AHNAK2: variants seen among roughly 807,000 people sequenced by gnomAD.
AHNAK2 encodes the protein AHNAK nucleoprotein 2, also known as protein AHNAK2.
In AHNAK2, 18 loss-of-function variants were observed where a neutral mutation model predicts 30.7. The observed-to-expected ratio is 0.59, with a 90% CI of 0.41 to 0.87. The LOEUF (loss-of-function observed/expected upper bound fraction) is 0.87, where lower values mean the gene tolerates loss of function less well. Among genes scored for constraint, AHNAK2 ranks in the 40% least tolerant of loss-of-function variants. The pLI is 0.00. For missense variants in AHNAK2, 8,604 were observed against 7,373.0 expected (o/e 1.17, Z -6.11); for synonymous variants, 3,590 against 3,073.8 (o/e 1.17, Z -5.56).
chr14:104,955,350 A>C (rs1898940027), intron 5 of AHNAK2, 133 bp downstream of exon 5: 1 of 1,371,634 alleles, frequency 7.3e-7, no homozygotes, highest in African/African-American at 1.5e-5. Context: ...TCCCAGCCTC[A>C]AGCTGTTGAG....
chr14:104,941,645 T>TC lies in AHNAK2; in HGVS notation c.13805dup (p.Ser4603IlefsTer9). ...CAAGCCGCGCACCATCCAGCATGGATCCTGGGGCCTGGACATCCGTCTCCA... is the reference window on the plus strand; with the variant it reads ...CAAGCCGCGCACCATCCAGCATGGATCCCTGGGGCCTGGACATCCGTCTCCA... On this transcript the variant is annotated frameshift_variant, in exon 7 of 7. Coordinates refer to ENST00000333244, the MANE Select transcript of AHNAK2 (RefSeq NM_138420.4). LOFTEE classifies it low-confidence loss of function (END_TRUNC). 1 of 1,613,486 alleles carries TC rather than the reference T, an allele frequency of 6.2e-7. No homozygotes were observed. Among genetic ancestry groups the TC allele is most frequent in the East Asian group, 2.2e-5 (1 of 44,858 alleles).
chr14:104,953,447 C>G lies in AHNAK2; in HGVS notation c.2004G>C (p.Val668=). Residue 668 remains valine, a synonymous_variant, in exon 7 of 7, where the codon GTG becomes GTC. Coordinates refer to ENST00000333244, the MANE Select transcript of AHNAK2 (RefSeq NM_138420.4). ...TTTTGAACTTGCTGTCTTTGGTGGC[C>G]ACTTCCTTTTCTGTCAGAATTTGTT... ...KKEQILTEKE[V]ATKDSKFKMP... 1 of 1,614,060 alleles carries G rather than the reference C, an allele frequency of 6.2e-7. No homozygotes were observed. Among genetic ancestry groups the G allele is most frequent in the Non-Finnish European group, 8.5e-7 (1 of 1,179,900 alleles).
intron 1 of AHNAK2, among the ~76,000 whole-genome samples, chr14:104,969,643 A>G (rs1220153587): frequency 6.6e-6 from 1 of 152,228 alleles, no homozygotes; most frequent in Non-Finnish European, 1.5e-5. Context: ...AAGCCTGGTA[A>G]GCCTGAGGGT....
rs751775165 is a variant in AHNAK2 at position 104,941,117 on chromosome 14, G to A, written c.14334C>T (p.His4778=). The A allele has an allele frequency of 8.7e-6, 14 of 1,613,534 alleles. No individual in the cohort carries two copies. Among genetic ancestry groups the A allele is most frequent in the Non-Finnish European group, 1.2e-5 (14 of 1,179,908 alleles). ...AGGGAGAGAGAATAGAAGATTCAAA[G>A]TGAGGACCAGTGAGATCAAGCCGGG... ...PSSRLDLTGP[H]FESSILSPCE... is the part of the protein sequence containing the mutation. Residue 4778 remains histidine, a synonymous_variant, in exon 7 of 7, where the codon CAC becomes CAT. Coordinates refer to ENST00000333244, the MANE Select transcript of AHNAK2 (RefSeq NM_138420.4).
rs752133104 is a variant in AHNAK2 at position 104,941,524 on chromosome 14, T to C, written c.13927A>G (p.Lys4643Glu). ...TCAGAGGAAGACATGGAAACTTTCT[T>C]TGACGACCATTCAAAACCAGACGTG... ...LSTSGFEWSS[K>E]KVSMSSSEIE... Residue 4643 changes from lysine to glutamate, a missense_variant, in exon 7 of 7, where the codon AAG becomes GAG. Lys to Glu is a moderately conservative substitution (Grantham distance 56, BLOSUM62 1). Transcript: ENST00000333244. 11 of 1,612,904 alleles carry C rather than the reference T, an allele frequency of 6.8e-6. No homozygotes were observed. Among genetic ancestry groups the C allele is most frequent in the Non-Finnish European group, 7.6e-6 (9 of 1,179,866 alleles).
In AHNAK2 at chr14:104,949,903, C is replaced by A. The variant is rs762191749; in HGVS notation, c.5548G>T (p.Ala1850Ser). 1 of 1,588,480 alleles carries A rather than the reference C, an allele frequency of 6.3e-7. No homozygotes were observed. The highest frequency in any genetic ancestry group is 1.1e-5 in the South Asian group (1 of 90,080). ...CTCACTTCGGCCTCCACCTTCGGCGCAGACACATCCACCGAGGCCTCGATG... is the reference window on the plus strand; with the variant it reads ...CTCACTTCGGCCTCCACCTTCGGCGAAGACACATCCACCGAGGCCTCGATG... Reference protein sequence around the residue: ...KSIEASVDVSAPKVEAEVSLP... With the variant: ...KSIEASVDVSSPKVEAEVSLP... Residue 1850 changes from alanine to serine, a missense_variant, in exon 7 of 7, where the codon GCG (alanine) becomes TCG (serine). By Grantham distance (99) the Ala-to-Ser change is moderately conservative (BLOSUM62 1). Coordinates refer to ENST00000333244, the MANE Select transcript of AHNAK2 (RefSeq NM_138420.4).
chr14:104,956,771 G>A, intron 3 of AHNAK2, 82 bp from the exon 4 acceptor site: 1 of 1,365,096 alleles, frequency 7.3e-7, no homozygotes, highest in Non-Finnish European at 1.0e-6. Flanking sequence ...TGCCAGACCA[G>A]GAGCCCTCCC....
rs868657322 is a variant in AHNAK2, at chr14:104,941,222, A to G, written c.14229T>C (p.Ser4743=). The part of the protein sequence containing the change: ...TIPLSSSECS[S]FELQQVSACS... ...AAGCCGAAACCTGTTGTAATTCAAA[A>G]CTTGAGCATTCTGAAGATGATAAAG... The change falls in exon 7 of 7, where the codon AGT becomes AGC. Residue 4743 remains serine (S), a synonymous_variant. Transcript: ENST00000333244. 6.2e-7 allele frequency: 1 copy of G among 1,613,504 alleles called. No individual in the cohort carries two copies. Among genetic ancestry groups the G allele is most frequent in the South Asian group, 1.1e-5 (1 of 91,092 alleles).
intron 1 of AHNAK2, among the ~76,000 whole-genome samples, chr14:104,961,131 C>CAA (rs34813519): frequency 2.3e-5 from 3 of 131,124 alleles, no homozygotes; most frequent in African/African-American, 8.4e-5. Flanking sequence ...ACTCTGTCTC[C>CAA]AAAAAAAAAA....
chr14:104,950,250 C>T lies in AHNAK2; in HGVS notation c.5201G>A (p.Gly1734Glu), dbSNP rs1204288052. 2.5e-6 allele frequency: 4 copies of T among 1,585,702 alleles called. No individual in the cohort carries two copies. The highest frequency in any genetic ancestry group is 1.7e-4 in the Middle Eastern group (1 of 6,012). ...GGGGAGGTGCCCTTTGAAGCCGGCT[C>T]CCTCGGGAAGGGGGCCCTCCGGGAG... is the stretch of plus-strand genomic sequence containing the variant. ...VKLPEGPLPE[G>E]AGFKGHLPKV... is the part of the protein sequence containing the mutation. Residue 1734 changes from glycine (G) to glutamate (E), a missense_variant, in exon 7 of 7, where the codon GGA becomes GAA. By Grantham distance (98) the Gly-to-Glu change is moderately conservative (BLOSUM62 -2). Coordinates refer to ENST00000333244, the MANE Select transcript of AHNAK2 (RefSeq NM_138420.4).
intron 1 of AHNAK2, among the ~76,000 whole-genome samples, chr14:104,968,155 C>A (rs867158094): frequency 6.6e-4 from 101 of 152,374 alleles, no homozygotes; most frequent in African/African-American, 2.3e-3. Flanking sequence ...CCCCAGCGCC[C>A]TGGCCTCAAC....
rs371203043 is a variant in AHNAK2 at position 104,947,072 on chromosome 14, C to T, written c.8379G>A (p.Ala2793=). 6.8e-5 allele frequency: 110 copies of T among 1,610,996 alleles called. No individual in the cohort carries two copies. In the Middle Eastern group the frequency reaches 8.3e-4, roughly 12 times the overall value. ...VQAPRAKLDG[A]RLEGDLSLAD... Reference sequence around the variant, plus strand: ...CCAGGGACAGGTCCCCCTCCAGCCGCGCACCATCCAGCTTTGCTCTCGGGG... The same window carrying T: ...CCAGGGACAGGTCCCCCTCCAGCCGTGCACCATCCAGCTTTGCTCTCGGGG... The change falls in exon 7 of 7, where the codon GCG becomes GCA. Residue 2793 remains alanine (A), a synonymous_variant. Coordinates refer to ENST00000333244, the MANE Select transcript of AHNAK2 (RefSeq NM_138420.4).
chr14:104,944,345 C>T lies in AHNAK2; in HGVS notation c.11106G>A (p.Met3702Ile). 2 of 1,612,664 alleles carry T rather than the reference C, an allele frequency of 1.2e-6. No individual in the cohort carries two copies. Among genetic ancestry groups the T allele is most frequent in the South Asian group, 2.2e-5 (2 of 91,020 alleles). ...CCTGGCCCTCCGGGAGCTTCACATCCATCTGGCCAGCCTGGACCTTCAGGT... is the reference window on the plus strand; with the variant it reads ...CCTGGCCCTCCGGGAGCTTCACATCTATCTGGCCAGCCTGGACCTTCAGGT... The part of the protein sequence containing the change: ...SADLKVQAGQ[M>I]DVKLPEGQVP... Residue 3702 changes from methionine (M) to isoleucine (I), a missense_variant, in exon 7 of 7, where the codon ATG (methionine) becomes ATA (isoleucine). Coordinates refer to ENST00000333244, the MANE Select transcript of AHNAK2 (RefSeq NM_138420.4).
In AHNAK2 at chr14:104,937,762, AAT is replaced by A. The variant is rs1183116333; in HGVS notation, c.*299_*300del. On this transcript the variant is annotated 3_prime_UTR_variant, in exon 7 of 7. Coordinates refer to ENST00000333244, the MANE Select transcript of AHNAK2 (RefSeq NM_138420.4). ...TGGACAGGTCTCTGGAAATTTATCT[AAT>A]AAAGACCAACAAACTTCCCCAGCAG... The A allele has an allele frequency of 8.6e-6, 3 of 347,916 alleles. No individual in the cohort carries two copies. Among genetic ancestry groups the A allele is most frequent in the African/African-American group, 6.3e-5 (3 of 47,904 alleles). The allele number at this position is 347,916 out of a possible 1,614,324, so 21.6% of individuals were successfully genotyped here.
Position 104,966,544 on chromosome 14 carries a change from A to G in AHNAK2, c.56-8872T>C, listed in dbSNP as rs1455233125. On this transcript the variant is annotated intron_variant, in intron 1 of 6. Transcript: ENST00000333244. The surrounding 1 kb of genome is among the most constrained non-coding windows in gnomAD (Gnocchi z 4.3). ...GCCCCTGCTGCTCCCACCTGGACGC[A>G]CCCCCAACCTGCACAGACAGAACTT... 6.6e-6 allele frequency among the ~76,000 whole-genome samples: 1 copy of G among 151,378 alleles called. No individual in the cohort carries two copies.
chr14:104,978,151 G>C, intron 1 of AHNAK2, 32 bp downstream of exon 1: 1 of 1,208,200 alleles, frequency 8.3e-7, no homozygotes, highest in Non-Finnish European at 1.0e-6. Context: ...ACCCGCCCCA[G>C]GGGAGCGGGC....
Position 104,943,459 on chromosome 14 carries a change from C to A in AHNAK2, c.11992G>T (p.Val3998Leu). ...EASVDVTAPK[V>L]EADVSLPSMQ... ...GAAGGGAGGCTCACGTCGGCCTCCA[C>A]CTTTGGCGCGGTCACATCCACTGAT... The change falls in exon 7 of 7, where the codon GTG becomes TTG. Residue 3998 changes from valine (V) to leucine (L), a missense_variant. Val to Leu is a conservative substitution (Grantham distance 32). Coordinates refer to ENST00000333244, the MANE Select transcript of AHNAK2 (RefSeq NM_138420.4). 1 of 1,613,222 alleles carries A rather than the reference C, an allele frequency of 6.2e-7. No individual in the cohort carries two copies. Among genetic ancestry groups the A allele is most frequent in the Non-Finnish European group, 8.5e-7 (1 of 1,179,642 alleles).
Position 104,954,267 on chromosome 14 carries a change from A to G in AHNAK2, c.1184T>C (p.Leu395Ser), listed in dbSNP as rs564502210. ...REVMPAQSMP[L>S]PTELGDPRLC... ...TCTAGGGTCACCGAGCTCTGTGGGC[A>G]ATGGCATGCTCTGAGCAGGCATCAC... is the stretch of plus-strand genomic sequence containing the variant. Residue 395 changes from leucine (L) to serine (S), a missense_variant, in exon 7 of 7, where the codon TTG becomes TCG. Leu to Ser is a moderately radical substitution (Grantham distance 145). Transcript: ENST00000333244. The surrounding 1 kb of genome is among the most constrained non-coding windows in gnomAD (Gnocchi z 4.3). The G allele has an allele frequency of 1.8e-4, 298 of 1,613,256 alleles. No homozygotes were observed. Among genetic ancestry groups the G allele is most frequent in the Non-Finnish European group, 2.4e-4 (285 of 1,179,870 alleles).
In AHNAK2 at chr14:104,950,287, C is replaced by T. The variant is rs758514724; in HGVS notation, c.5164G>A (p.Val1722Met). The change falls in exon 7 of 7, where the codon GTG becomes ATG. Residue 1722 changes from valine to methionine, a missense_variant. Physicochemically the swap from Val to Met is conservative, Grantham distance 21. Transcript: ENST00000333244. Reference sequence around the variant, plus strand: ...GGGCCCTCCGGGAGTTTCACGTTCACTTGGCCAGCCTGGACCTCCAGGTCG... The same window carrying T: ...GGGCCCTCCGGGAGTTTCACGTTCATTTGGCCAGCCTGGACCTCCAGGTCG... ...SADLEVQAGQ[V>M]NVKLPEGPLP... The T allele has an allele frequency of 3.8e-6, 6 of 1,585,300 alleles. 2 individuals are homozygous for T. Among genetic ancestry groups the T allele is most frequent in the African/African-American group, 1.4e-5 (1 of 71,826 alleles).
Sources: allele counts gnomAD v4.1 joint callset (sites outside exome capture counted in the v4.1 genomes callset), GRCh38; gene constraint gnomAD v4.1.1; non-coding constraint Gnocchi (gnomAD v3.1); transcripts MANE v1.5; gene names NCBI Gene and HGNC (gene_info 2026-07-23, HGNC 2026-07-21).